The following DCC variants were observed in gnomAD, a reference collection of about 807,000 sequenced individuals.
DCC encodes the protein netrin receptor DCC.
A neutral mutation model predicts 172.5 loss-of-function variants in DCC; 58 were observed. That is an observed-to-expected ratio of 0.34 (90% CI 0.27 to 0.42). The LOEUF (loss-of-function observed/expected upper bound fraction) is 0.42, where lower values mean the gene tolerates loss of function less well. Ranked by LOEUF, DCC falls within the 10% of genes least tolerant of loss-of-function variation. The probability of loss-of-function intolerance (pLI) is 1.00; values close to 1 mark genes in which losing one functional copy is unlikely to be tolerated. For missense variants in DCC, 1,740 were observed against 1,791.0 expected, an observed-to-expected ratio of 0.97 and a Z score of 0.51; for synonymous variants, 709 against 644.5, an observed-to-expected ratio of 1.10 and a Z score of -1.52.
intron 2 of DCC, among the ~76,000 whole-genome samples, chr18:52,893,171 T>C (rs2039676495): frequency 6.6e-6 from 1 of 152,082 alleles, no homozygotes. Context: ...TTCTCCTTTT[T>C]TTTGTCTCTC....
At chr18:52,506,119 G>A (rs1436712077) in intron 1 of DCC, among the ~76,000 whole-genome samples, 1 of 152,062 alleles carries the variant, frequency 6.6e-6, no homozygotes, top group Admixed American at 6.6e-5. Context: ...TAGGGTAATA[G>A]TTGTCTTCCT....
chr18:53,047,903 ATGTGTG>A lies in DCC; in HGVS notation c.986-15378_986-15373del, dbSNP rs35014270. Among the ~76,000 whole-genome samples the A allele has an allele frequency of 5.2e-3, 766 of 146,852 alleles. 4 individuals carry two copies. The highest frequency in any genetic ancestry group is 0.013 in the African/African-American group (524 of 40,560). On this transcript the variant is annotated intron_variant, in intron 5 of 28. Coordinates refer to ENST00000442544, the MANE Select transcript of DCC (RefSeq NM_005215.4). ...ATTTTCTTTTGTGTTTTCCTTCGAG[ATGTGTG>A]TGTGTGTGTGTGTGTGTGTGTGTAT...
intron 5 of DCC, among the ~76,000 whole-genome samples, chr18:52,944,608 A>C (rs2040513052): frequency 1.3e-5 from 2 of 152,242 alleles, no homozygotes; most frequent in South Asian, 2.1e-4. Flanking sequence ...CTGGAGCTTT[A>C]AGAGTAGTCT....
At chr18:53,109,798 T>C (rs879090000) in intron 7 of DCC, among the ~76,000 whole-genome samples, 2 of 151,722 alleles carry the variant, frequency 1.3e-5, no homozygotes, top group Non-Finnish European at 3.0e-5. Flanking sequence ...TCCTTTTTTT[T>C]CCTTCCAGTA....
chr18:53,294,187 G>A (rs547372697), intron 12 of DCC, among the ~76,000 whole-genome samples: 4 of 152,324 alleles, frequency 2.6e-5, no homozygotes, highest in Non-Finnish European at 5.9e-5. Flanking sequence ...CATATAAGAA[G>A]TGGAGCATAA....
chr18:52,450,673 C>A (rs1988274508), intron 1 of DCC, among the ~76,000 whole-genome samples: 1 of 152,110 alleles, frequency 6.6e-6, no homozygotes, highest in South Asian at 2.1e-4. Flanking sequence ...GAAGATAGAA[C>A]TTCATCCATT....
chr18:52,862,644 G>C (rs2039161263), intron 2 of DCC, among the ~76,000 whole-genome samples: 1 of 152,102 alleles, frequency 6.6e-6, no homozygotes, highest in African/African-American at 2.4e-5. Context: ...GTTGCAGTGA[G>C]TTGAGATTGC....
intron 12 of DCC, among the ~76,000 whole-genome samples, chr18:53,271,081 A>C (rs140581105): frequency 1.7e-3 from 261 of 152,210 alleles, no homozygotes; most frequent in African/African-American, 6.0e-3. Context: ...AGATTTTGCT[A>C]CTCACCACTG....
chr18:52,776,255 A>G (rs1410338052), intron 2 of DCC, among the ~76,000 whole-genome samples: 2 of 152,102 alleles, frequency 1.3e-5, no homozygotes, highest in Non-Finnish European at 2.9e-5. Flanking sequence ...GAAACATTGT[A>G]CATATTTATA....
At chr18:53,346,894 A>T (rs1010573409) in intron 15 of DCC, among the ~76,000 whole-genome samples, 3 of 152,156 alleles carry the variant, frequency 2.0e-5, no homozygotes, top group African/African-American at 7.2e-5. Context: ...GTTTTATTAC[A>T]ATCCTTGAAA....
chr18:52,746,937 A>AGAGGAGGT (rs1185491350), intron 1 of DCC, among the ~76,000 whole-genome samples: 2 of 151,826 alleles, frequency 1.3e-5, no homozygotes, highest in East Asian at 3.9e-4. Flanking sequence ...AGGAGAAGAA[A>AGAGGAGGT]GAGGAGGTGG....
chr18:52,967,791 G>A (rs368412051), intron 5 of DCC, among the ~76,000 whole-genome samples: 37 of 152,226 alleles, frequency 2.4e-4, no homozygotes, highest in African/African-American at 7.9e-4. Context: ...AATGTAACCC[G>A]TATGTAACAA....
intron 5 of DCC, among the ~76,000 whole-genome samples, chr18:52,969,104 T>C (rs991365694): frequency 6.6e-6 from 1 of 152,186 alleles, no homozygotes; most frequent in Admixed American, 6.5e-5. Context: ...GCTCTGCTCT[T>C]TGTTCATTTC....
chr18:52,795,569 G>A (rs1215615384), intron 2 of DCC, among the ~76,000 whole-genome samples: 1 of 151,614 alleles, frequency 6.6e-6, no homozygotes, highest in African/African-American at 2.4e-5. Context: ...TGTTTTATTG[G>A]TTCTTGGCAA....
At chr18:53,244,316 G>C (rs748545261) in intron 12 of DCC, among the ~76,000 whole-genome samples, 1 of 152,010 alleles carries the variant, frequency 6.6e-6, no homozygotes, top group Non-Finnish European at 1.5e-5. Context: ...ACCAGTGATG[G>C]GGTTCCTTTT....
chr18:53,475,601 G>A (rs1405209648), intron 25 of DCC, among the ~76,000 whole-genome samples: 6 of 152,198 alleles, frequency 3.9e-5, no homozygotes, highest in African/African-American at 1.4e-4. Flanking sequence ...AAGAACTGGG[G>A]TTTGGGAACC....
At chr18:53,471,274 T>A (rs572303063) in intron 25 of DCC, among the ~76,000 whole-genome samples, 48 of 152,354 alleles carry the variant, frequency 3.2e-4, no homozygotes, top group African/African-American at 1.1e-3. Flanking sequence ...ATGGTATCCA[T>A]CCACGCAAGT....
chr18:53,069,983 CT>C (rs553792868), intron 7 of DCC, among the ~76,000 whole-genome samples: 2,529 of 138,848 alleles, frequency 0.018, 37 homozygotes, highest in African/African-American at 0.053. Context: ...GAAGATAAAG[CT>C]TTTTTTTTTT....
chr18:52,603,098 A>T (rs1200148674), intron 1 of DCC, among the ~76,000 whole-genome samples: 1 of 152,102 alleles, frequency 6.6e-6, no homozygotes, highest in Non-Finnish European at 1.5e-5. Flanking sequence ...TCACCTGAGA[A>T]GCACCTTTAT....
Sources: allele counts gnomAD v4.1 joint callset (sites outside exome capture counted in the v4.1 genomes callset), GRCh38; gene constraint gnomAD v4.1.1; transcripts MANE v1.5; gene names NCBI Gene and HGNC (gene_info 2026-07-23, HGNC 2026-07-21).